Variants in DNPEP observed in about 807,000 individuals in gnomAD.
DNPEP encodes aspartyl aminopeptidase.
Under a neutral mutation model 59.1 loss-of-function variants are expected in DNPEP, and 46 were observed. That is an observed-to-expected ratio of 0.78 (90% CI 0.61 to 0.99). The LOEUF (loss-of-function observed/expected upper bound fraction) is 0.99. DNPEP is among the 50% of genes least tolerant of loss of function. The pLI, the probability that DNPEP is intolerant of heterozygous loss-of-function variation, is 0.00. For synonymous variants in DNPEP, 229 were observed against 242.2 expected, an observed-to-expected ratio of 0.95 and a Z score of 0.50; for missense variants, 617 against 649.9, an observed-to-expected ratio of 0.95 and a Z score of 0.55.
intron 1 of DNPEP, among the ~76,000 whole-genome samples, chr2:219,398,584 A>T (rs1445397705): frequency 1.3e-5 from 2 of 151,962 alleles, no homozygotes; most frequent in Admixed American, 1.3e-4. Context: ...CAGGAGATGG[A>T]GGTTGCAGTG....
intron 11 of DNPEP, 150 bp from the exon 12 acceptor site, chr2:219,381,734 G>A (rs1401095274): frequency 3.0e-6 from 3 of 1,005,796 alleles, no homozygotes; most frequent in African/African-American, 1.6e-5. Context: ...ACAGGGTTCC[G>A]GGCAGCCTCT....
chr2:219,387,347 G>A (rs1953892360), intron 1 of DNPEP, 184 bp from the exon 2 acceptor site: 5 of 1,437,570 alleles, frequency 3.5e-6, no homozygotes, highest in Non-Finnish European at 4.6e-6. Flanking sequence ...GCTTCAGCCC[G>A]CCGGCCCAGG....
Position 219,374,994 on chromosome 2 carries a change from C to T in DNPEP, c.1268G>A (p.Cys423Tyr). Reference protein sequence around the residue: ...QDLMVRNDTPCGTTIGPILAS... With the variant: ...QDLMVRNDTPYGTTIGPILAS... The stretch of plus-strand genomic sequence containing the variant: ...CAAGATAGGTCCAATGGTGGTTCCA[C>T]AGGGGGTGTCATTCCGGACCATGAG... Residue 423 changes from cysteine (C) to tyrosine (Y), a missense_variant, in exon 14 of 15, where the codon TGT becomes TAT. Cys to Tyr is a radical substitution (Grantham distance 194, BLOSUM62 -2). Transcript: ENST00000273075. The T allele has an allele frequency of 1.2e-6, 2 of 1,614,110 alleles. No homozygotes were observed. Among genetic ancestry groups the T allele is most frequent in the Non-Finnish European group, 8.5e-7 (1 of 1,180,032 alleles).
chr2:219,399,712 A>C (rs1954155247), intron 1 of DNPEP, among the ~76,000 whole-genome samples: 1 of 152,214 alleles, frequency 6.6e-6, no homozygotes, highest in Admixed American at 6.5e-5. Flanking sequence ...CACTTGCTCG[A>C]GGTCTGGTTT....
At chr2:219,374,772 A>G in intron 14 of DNPEP, 83 bp downstream of exon 14, 2 of 1,486,514 alleles carry the variant, frequency 1.3e-6, no homozygotes, top group Non-Finnish European at 1.8e-6. Context: ...TCACTTTGTG[A>G]TGGCGATGTT....
At position 219,387,865 on chromosome 2, in the gene DNPEP, G is replaced by T. The variant is rs1348302424; in HGVS notation, c.-71C>A. The T allele has an allele frequency of 3.7e-5, 44 of 1,187,746 alleles. No homozygotes were observed. Among genetic ancestry groups the T allele is most frequent in the Non-Finnish European group, 4.7e-5 (44 of 937,586 alleles). The allele number at this position is 1,187,746 out of a possible 1,614,324, so 73.6% of individuals were successfully genotyped here. ...CCCTCACTAGCTTTGCAGGTCCCCC[G>T]CGTGCCCCTTCAGGCCGCGCCGCAC... On this transcript the variant is annotated 5_prime_UTR_variant, in exon 1 of 15. Transcript: ENST00000273075.
intron 13 of DNPEP, among the ~76,000 whole-genome samples, chr2:219,376,267 C>T (rs1426499763): frequency 6.6e-6 from 1 of 152,128 alleles, no homozygotes. Context: ...GTGTGCAGAT[C>T]ACATGATTCC....
In DNPEP at chr2:219,383,222, A is replaced by T; in HGVS notation, c.853-8T>A. On this transcript the variant is annotated splice_region_variant and splice_polypyrimidine_tract_variant and intron_variant, in intron 9 of 14. Transcript: ENST00000273075. ...ACAGGAATCTATCAAGGCCTGGTTC[A>T]GGGAAGGAAATGAGAGCATCATCTC... The T allele has an allele frequency of 6.2e-7, 1 of 1,613,900 alleles. No homozygotes were observed. The highest frequency in any genetic ancestry group is 8.5e-7 in the Non-Finnish European group (1 of 1,179,794).
At chr2:219,379,445 T>C (rs78270228) in intron 13 of DNPEP, among the ~76,000 whole-genome samples, 3,350 of 152,264 alleles carry the variant, frequency 0.022, 45 homozygotes, top group Non-Finnish European at 0.036. Flanking sequence ...TATGTTTGTG[T>C]CTTGGTTTTT....
intron 1 of DNPEP, chr2:219,399,866 C>G (rs1954158493): frequency 6.4e-7 from 1 of 1,550,410 alleles, no homozygotes; most frequent in African/African-American, 1.4e-5. Context: ...CCCCGGTTAC[C>G]TTGTGGTAGC....
chr2:219,390,638 G>C (rs1324965509), upstream of DNPEP, among the ~76,000 whole-genome samples: 1 of 152,096 alleles, frequency 6.6e-6, no homozygotes, highest in Non-Finnish European at 1.5e-5. Flanking sequence ...GGTGGATCAC[G>C]AGGTCAGGAG....
upstream of DNPEP, among the ~76,000 whole-genome samples, chr2:219,392,028 T>C (rs573928311): frequency 3.3e-5 from 5 of 152,268 alleles, no homozygotes; most frequent in African/African-American, 1.2e-4. Flanking sequence ...AGATGTTATA[T>C]AAATACATAT....
chr2:219,376,905 G>A (rs538324267), intron 13 of DNPEP, among the ~76,000 whole-genome samples: 7 of 152,006 alleles, frequency 4.6e-5, no homozygotes, highest in African/African-American at 1.4e-4. Flanking sequence ...ATCTTTGCAA[G>A]GCTAAGGGTG....
chr2:219,383,281 A>G (rs1953676027), intron 9 of DNPEP, 67 bp from the exon 10 acceptor site: 3 of 1,438,538 alleles, frequency 2.1e-6, no homozygotes, highest in Non-Finnish European at 2.9e-6. Context: ...GCCCACCAGC[A>G]CCTTGGGTGT....
chr2:219,373,987 G>T lies in DNPEP; in HGVS notation c.*305C>A, dbSNP rs1366213861. On this transcript the variant is annotated 3_prime_UTR_variant, in exon 15 of 15. Coordinates refer to ENST00000273075, the MANE Select transcript of DNPEP (RefSeq NM_012100.4). ...AGGTGGAGGACTAGGGGTGGGAGAA[G>T]TGACCTTCTGCTTGAGGATCCAGTC... 1 of 367,992 alleles carries T rather than the reference G, an allele frequency of 2.7e-6. No homozygotes were observed. The highest frequency in any genetic ancestry group is 5.0e-6 in the Non-Finnish European group (1 of 199,688). The allele number at this position is 367,992 out of a possible 1,614,324, so 22.8% of individuals were successfully genotyped here.
chr2:219,398,563 T>C lies in DNPEP; in HGVS notation c.-158+1377A>G, dbSNP rs554131699. 2.0e-4 allele frequency among the ~76,000 whole-genome samples: 31 copies of C among 151,890 alleles called. No homozygotes were observed. In the South Asian group the frequency reaches 5.4e-3, roughly 26 times the overall value. On this transcript the variant is annotated intron_variant, in intron 1 of 6. Coordinates refer to the DNPEP transcript ENST00000434339. The stretch of plus-strand genomic sequence containing the variant: ...TACTTGGGAGGATGAGGCAGGAGAA[T>C]CGCTTGAACCCAGGAGATGGAGGTT...
At chr2:219,378,631 C>T (rs1953465830) in intron 13 of DNPEP, among the ~76,000 whole-genome samples, 1 of 152,182 alleles carries the variant, frequency 6.6e-6, no homozygotes, top group African/African-American at 2.4e-5. Context: ...TAGAAATAGA[C>T]AGTCATGCAC....
upstream of DNPEP, among the ~76,000 whole-genome samples, chr2:219,389,317 C>T (rs1953973088): frequency 6.6e-6 from 1 of 152,028 alleles, no homozygotes; most frequent in Non-Finnish European, 1.5e-5. Context: ...AAAACAGGGC[C>T]CAGCTACCAG....
At chr2:219,395,924 C>T (rs6707246) in intron 1 of DNPEP, among the ~76,000 whole-genome samples, 131,849 of 152,236 alleles carry the variant, frequency 0.87, 59,524 homozygotes, top group Non-Finnish European at 0.99. Flanking sequence ...AGTGGATATA[C>T]AATAAACACT....
Sources: gnomAD v4.1 joint callset for allele counts (sites outside exome capture counted in the v4.1 genomes callset) on GRCh38, gnomAD v4.1.1 for gene constraint, MANE v1.5 for transcripts, NCBI Gene and HGNC (gene_info 2026-07-23, HGNC 2026-07-21) for gene names.